The following CLASP1 variants were observed in gnomAD, a reference collection of about 807,000 sequenced individuals.
The protein encoded by CLASP1 is cytoplasmic linker associated protein 1, also known as CLIP-associating protein 1.
A neutral mutation model predicts 192.3 loss-of-function variants in CLASP1; 38 were observed. The ratio of observed to expected loss-of-function variants is 0.20; its 90% CI spans 0.15 to 0.26. CLASP1 has a LOEUF of 0.26. CLASP1 is among the 10% of genes least tolerant of loss of function. The probability of loss-of-function intolerance (pLI) is 1.00; values close to 1 mark genes in which losing one functional copy is unlikely to be tolerated. For synonymous variants in CLASP1, 691 were observed against 712.8 expected (o/e 0.97, Z 0.49); for missense variants, 1,433 against 1,932.5 (o/e 0.74, Z 4.85).
intron 7 of CLASP1, among the ~76,000 whole-genome samples, chr2:121,506,217 A>G (rs1421353398): frequency 6.6e-6 from 1 of 152,196 alleles, no homozygotes; most frequent in African/African-American, 2.4e-5. Context: ...TGTGAAAACC[A>G]GCAGCCTGGC....
chr2:121,464,919 C>A (rs2149914189), intron 9 of CLASP1, among the ~76,000 whole-genome samples: 1 of 152,288 alleles, frequency 6.6e-6, no homozygotes, highest in East Asian at 1.9e-4. Context: ...AGTCCTTGCC[C>A]ATGCCTATGT....
At chr2:121,646,673 G>T (rs1454618705) in intron 1 of CLASP1, among the ~76,000 whole-genome samples, 2 of 152,138 alleles carry the variant, frequency 1.3e-5, no homozygotes, top group African/African-American at 4.8e-5. Flanking sequence ...TCAGGCCCAA[G>T]AAGCCATCTC....
intron 1 of CLASP1, among the ~76,000 whole-genome samples, chr2:121,611,162 AGTT>A (rs2065379460): frequency 2.7e-5 from 3 of 110,742 alleles, no homozygotes; most frequent in Non-Finnish European, 3.7e-5. Context: ...GAGGAGGAGG[AGTT>A]GGAGGAGTTA....
intron 6 of CLASP1, among the ~76,000 whole-genome samples, chr2:121,517,858 CTTT>C (rs70954553): frequency 0.12 from 3,783 of 30,504 alleles, 126 homozygotes; most frequent in Middle Eastern, 0.15. Context: ...AAGACTCAAG[CTTT>C]TTTTTTTTTT....
At chr2:121,587,947 T>G (rs894032139) in intron 2 of CLASP1, among the ~76,000 whole-genome samples, 10 of 150,734 alleles carry the variant, frequency 6.6e-5, no homozygotes, top group African/African-American at 1.7e-4. Context: ...CTGAGGCGGG[T>G]GCATCACCTG....
At chr2:121,361,218 A>C (rs1335594570) in intron 37 of CLASP1, among the ~76,000 whole-genome samples, 1 of 152,126 alleles carries the variant, frequency 6.6e-6, no homozygotes, top group Non-Finnish European at 1.5e-5. Flanking sequence ...CCAGCTACTC[A>C]GGGGGCTAAG....
At chr2:121,472,394 A>T (rs2090911502) in intron 8 of CLASP1, among the ~76,000 whole-genome samples, 1 of 152,226 alleles carries the variant, frequency 6.6e-6, no homozygotes, top group Non-Finnish European at 1.5e-5. Context: ...CGGGCAGTTC[A>T]GAACTTGGCT....
intron 2 of CLASP1, among the ~76,000 whole-genome samples, chr2:121,578,711 AGC>A (rs2060808260): frequency 6.8e-6 from 1 of 147,006 alleles, no homozygotes; most frequent in Non-Finnish European, 1.5e-5. Context: ...CTGGCAACAG[AGC>A]AAGACTCCGT....
At chr2:121,648,783 G>C (rs2106399452) in intron 1 of CLASP1, among the ~76,000 whole-genome samples, 1 of 152,342 alleles carries the variant, frequency 6.6e-6, no homozygotes, top group East Asian at 1.9e-4. Flanking sequence ...GCTCTTCGAA[G>C]GCCCCGGGAA....
intron 6 of CLASP1, among the ~76,000 whole-genome samples, chr2:121,518,008 G>A (rs187748624): frequency 4.0e-5 from 6 of 150,200 alleles, no homozygotes; most frequent in East Asian, 3.9e-4. Context: ...AAGTTCAGGC[G>A]AGTTCAAGGT....
At chr2:121,376,324 C>T (rs1168547419) in intron 34 of CLASP1, among the ~76,000 whole-genome samples, 5 of 152,138 alleles carry the variant, frequency 3.3e-5, no homozygotes, top group African/African-American at 1.2e-4. Flanking sequence ...GACATATATA[C>T]ACAATGGAAT....
chr2:121,439,499 C>A (rs1252014566), intron 19 of CLASP1, among the ~76,000 whole-genome samples: 4 of 151,696 alleles, frequency 2.6e-5, no homozygotes, highest in African/African-American at 4.8e-5. Context: ...GCTTTGAATG[C>A]GTCCCAGAGA....
chr2:121,589,853 A>G (rs746561830), intron 2 of CLASP1, among the ~76,000 whole-genome samples: 1 of 151,962 alleles, frequency 6.6e-6, no homozygotes, highest in East Asian at 1.9e-4. Context: ...AAAAAAAAAG[A>G]TAACTGGATT....
intron 12 of CLASP1, 111 bp downstream of exon 12, chr2:121,459,869 C>CT: frequency 1.0e-6 from 1 of 977,016 alleles, no homozygotes; most frequent in Non-Finnish European, 1.4e-6. Context: ...GTCTTGGAGA[C>CT]TAGTCAGAAG....
intron 2 of CLASP1, among the ~76,000 whole-genome samples, chr2:121,560,136 T>TA (rs985540577): frequency 5.6e-4 from 82 of 145,894 alleles, no homozygotes; most frequent in African/African-American, 9.0e-4. Flanking sequence ...CACTTCAAAG[T>TA]AAAAAAAAAA....
chr2:121,566,854 AGACAC>A (rs1413332953), intron 2 of CLASP1, among the ~76,000 whole-genome samples: 2 of 152,158 alleles, frequency 1.3e-5, no homozygotes, highest in African/African-American at 2.4e-5. Flanking sequence ...TTACTTTCCA[AGACAC>A]AACTTGGAAC....
intron 37 of CLASP1, among the ~76,000 whole-genome samples, chr2:121,356,575 T>A (rs909502117): frequency 6.6e-6 from 1 of 152,204 alleles, no homozygotes; most frequent in South Asian, 2.1e-4. Context: ...GTTTTCCTCA[T>A]CAGTAAAACG....
chr2:121,548,743 T>C (rs1272409525), intron 2 of CLASP1, among the ~76,000 whole-genome samples: 2 of 151,948 alleles, frequency 1.3e-5, no homozygotes, highest in African/African-American at 4.8e-5. Context: ...TCAGAAGAGA[T>C]TGGGGACCTA....
intron 8 of CLASP1, among the ~76,000 whole-genome samples, chr2:121,475,245 C>T (rs2091452973): frequency 6.6e-6 from 1 of 152,190 alleles, no homozygotes; most frequent in Non-Finnish European, 1.5e-5. Flanking sequence ...AACTGAAACA[C>T]CTGCAAAGGC....
Sources: gnomAD v4.1 joint callset for allele counts (sites outside exome capture counted in the v4.1 genomes callset) on GRCh38, gnomAD v4.1.1 for gene constraint, MANE v1.5 for transcripts, NCBI Gene and HGNC (gene_info 2026-07-23, HGNC 2026-07-21) for gene names.